The following TANC1 variants were observed in gnomAD, a reference collection of about 807,000 sequenced individuals.
TANC1 encodes tetratricopeptide repeat, ankyrin repeat and coiled-coil containing 1.
Under a neutral mutation model 149.7 loss-of-function variants are expected in TANC1, and 77 were observed. The ratio of observed to expected loss-of-function variants is 0.51; its 90% CI spans 0.43 to 0.62. The LOEUF (loss-of-function observed/expected upper bound fraction) is 0.62, where lower values mean the gene tolerates loss of function less well. Ranked by LOEUF, TANC1 falls within the 20% of genes least tolerant of loss-of-function variation. The pLI, the probability that TANC1 is intolerant of heterozygous loss-of-function variation, is 0.00. For missense variants in TANC1, 1,985 were observed against 2,321.8 expected, an observed-to-expected ratio of 0.85 and a Z score of 2.98; for synonymous variants, 854 against 925.0, an observed-to-expected ratio of 0.92 and a Z score of 1.39.
intron 1 of TANC1, among the ~76,000 whole-genome samples, chr2:158,998,332 C>A (rs1355848937): frequency 6.6e-6 from 1 of 152,134 alleles, no homozygotes; most frequent in African/African-American, 2.4e-5. Flanking sequence ...ATCATGCAAT[C>A]TGGGCTTTAT....
intron 2 of TANC1, among the ~76,000 whole-genome samples, chr2:159,013,638 T>C (rs899255787): frequency 1.3e-5 from 2 of 152,184 alleles, no homozygotes; most frequent in Non-Finnish European, 2.9e-5. Context: ...CGACGGTCTA[T>C]ATCCCCAGTT....
chr2:159,214,846 C>T (rs2059244740), intron 19 of TANC1, among the ~76,000 whole-genome samples: 1 of 152,146 alleles, frequency 6.6e-6, no homozygotes, highest in Admixed American at 6.5e-5. Flanking sequence ...GGACAGAGCC[C>T]TTTAAATGCA....
intron 2 of TANC1, among the ~76,000 whole-genome samples, chr2:159,049,261 A>G (rs917996117): frequency 3.3e-5 from 5 of 152,176 alleles, no homozygotes; most frequent in African/African-American, 1.2e-4. Flanking sequence ...TGTATTTTGC[A>G]GTTGTTTTGA....
Position 159,231,484 on chromosome 2 carries a change from TAAAA to T in TANC1, c.*474_*477del, listed in dbSNP as rs1261460863. 1 of 155,880 alleles carries T rather than the reference TAAAA, an allele frequency of 6.4e-6. No individual in the cohort carries two copies. Among genetic ancestry groups the T allele is most frequent in the Admixed American group, 6.2e-5 (1 of 16,130 alleles). The allele number at this position is 155,880 out of a possible 1,614,324, so 9.7% of individuals were successfully genotyped here. On this transcript the variant is annotated 3_prime_UTR_variant, in exon 27 of 27. Transcript: ENST00000263635. ...AGTCAAATCCCATTTTATATATACA[TAAAA>T]ATTAAGTTCTGAGTGAGTTCTAGCT... is the stretch of plus-strand genomic sequence containing the variant.
intron 4 of TANC1, among the ~76,000 whole-genome samples, chr2:159,135,584 A>C (rs1364185089): frequency 6.6e-6 from 1 of 152,270 alleles, no homozygotes; most frequent in African/African-American, 2.4e-5. Flanking sequence ...AGGAGGTAGG[A>C]GATAAGCCTG....
intron 2 of TANC1, among the ~76,000 whole-genome samples, chr2:159,007,212 T>G (rs997985248): frequency 6.9e-6 from 1 of 145,932 alleles, no homozygotes; most frequent in African/African-American, 2.5e-5. Flanking sequence ...AATGGTGCGA[T>G]CTTGGCTCAC....
chr2:159,180,027 C>T (rs2056320098), intron 14 of TANC1, among the ~76,000 whole-genome samples: 1 of 152,140 alleles, frequency 6.6e-6, no homozygotes, highest in African/African-American at 2.4e-5. Context: ...AGGCATTTGA[C>T]CAGATGCTGG....
intron 7 of TANC1, 72 bp downstream of exon 7, chr2:159,150,628 C>G: frequency 8.0e-7 from 1 of 1,254,218 alleles, no homozygotes; most frequent in Non-Finnish European, 1.2e-6. Context: ...GGCACTTCCT[C>G]AGAGGGTTTT....
chr2:159,135,791 T>TCCTA, intron 4 of TANC1, among the ~76,000 whole-genome samples: 1 of 152,360 alleles, frequency 6.6e-6, no homozygotes, highest in East Asian at 1.9e-4. Context: ...CCCATCCTTG[T>TCCTA]CCTAGTTAGA....
intron 7 of TANC1, among the ~76,000 whole-genome samples, chr2:159,152,449 T>G (rs2052924912): frequency 6.6e-6 from 1 of 151,948 alleles, no homozygotes; most frequent in African/African-American, 2.4e-5. Flanking sequence ...TTACATGCCT[T>G]TGATTATAAC....
At chr2:159,225,928 C>T (rs2059997388) in intron 24 of TANC1, 149 bp downstream of exon 24, 1 of 699,766 alleles carries the variant, frequency 1.4e-6, no homozygotes, top group South Asian at 1.6e-5. Context: ...ACGCCTGTAA[C>T]TCCAGCACTT....
intron 9 of TANC1, among the ~76,000 whole-genome samples, chr2:159,169,750 T>C (rs1023199417): frequency 2.6e-5 from 4 of 152,272 alleles, no homozygotes; most frequent in Middle Eastern, 3.4e-3. Flanking sequence ...CCCAGCACTT[T>C]GAGAGGCCGA....
intron 4 of TANC1, among the ~76,000 whole-genome samples, chr2:159,114,896 A>G (rs531592411): frequency 1.4e-4 from 22 of 152,252 alleles, no homozygotes; most frequent in African/African-American, 5.3e-4. Context: ...ATTTTTGCAA[A>G]TGGCCTCAGA....
Position 159,230,348 on chromosome 2 carries a change from C to A in TANC1, c.4922C>A (p.Ala1641Asp), listed in dbSNP as rs757550585. The change falls in exon 27 of 27, where the codon GCC becomes GAC. Residue 1641 changes from alanine (A) to aspartate (D), a missense_variant. This residue lies in a region of TANC1 where 920 missense variants were observed against 994.7 expected (regional missense o/e 0.92). Coordinates refer to ENST00000263635, the MANE Select transcript of TANC1 (RefSeq NM_033394.3). This position sits in a 1 kb window ranked among gnomAD's most constrained non-coding sequence, Gnocchi z 4.4. ...CATTCCTCCGTGGCTGTGGACGCAG[C>A]CCCTCCAAACCAAGGTGGGCTGGCG... The part of the protein sequence containing the change: ...LSHSSVAVDA[A>D]PPNQGGLATC... The A allele has an allele frequency of 1.2e-6, 2 of 1,614,152 alleles. No individual in the cohort carries two copies. Among genetic ancestry groups the A allele is most frequent in the Non-Finnish European group, 1.7e-6 (2 of 1,180,046 alleles).
chr2:158,978,204 A>C (rs1441262209), intron 1 of TANC1, among the ~76,000 whole-genome samples: 1 of 152,200 alleles, frequency 6.6e-6, no homozygotes, highest in Non-Finnish European at 1.5e-5. Flanking sequence ...AGGGAGACAG[A>C]GAATCCACAG....
chr2:159,064,170 T>A (rs2042475503), intron 2 of TANC1, among the ~76,000 whole-genome samples: 1 of 152,246 alleles, frequency 6.6e-6, no homozygotes, highest in Non-Finnish European at 1.5e-5. Context: ...CTACAGTGTT[T>A]TTCATTGTTT....
At chr2:159,203,906 C>T (rs906987216) in intron 19 of TANC1, among the ~76,000 whole-genome samples, 1 of 152,062 alleles carries the variant, frequency 6.6e-6, no homozygotes, top group Non-Finnish European at 1.5e-5. Flanking sequence ...GCAGAAATTT[C>T]CCTGTCTCTT....
intron 3 of TANC1, among the ~76,000 whole-genome samples, chr2:159,097,185 A>C (rs1240961265): frequency 6.6e-6 from 1 of 151,928 alleles, no homozygotes; most frequent in Non-Finnish European, 1.5e-5. Flanking sequence ...TGTAGACTAC[A>C]CTCTCACTTA....
chr2:159,033,053 CA>C (rs758549771), intron 2 of TANC1, among the ~76,000 whole-genome samples: 17 of 152,176 alleles, frequency 1.1e-4, no homozygotes, highest in Non-Finnish European at 2.4e-4. Context: ...GTCCGTCAGC[CA>C]CTGTTTGTAC....
Sources: allele counts gnomAD v4.1 joint callset (sites outside exome capture counted in the v4.1 genomes callset), GRCh38; gene constraint gnomAD v4.1.1; regional missense constraint gnomAD v4.1.1; non-coding constraint Gnocchi (gnomAD v3.1); transcripts MANE v1.5; gene names NCBI Gene and HGNC (gene_info 2026-07-23, HGNC 2026-07-21).